The following SNX29 variants were observed in gnomAD, a reference collection of about 807,000 sequenced individuals.
SNX29 encodes the protein sorting nexin-29.
Under a neutral mutation model 102.1 loss-of-function variants are expected in SNX29, and 78 were observed. The observed-to-expected ratio is 0.76, with a 90% CI of 0.64 to 0.92. The LOEUF is 0.92. Ranked by LOEUF, SNX29 falls within the 40% of genes least tolerant of loss-of-function variation. The probability of loss-of-function intolerance (pLI) is 0.00; values close to 1 mark genes in which losing one functional copy is unlikely to be tolerated. For missense variants in SNX29, 1,280 were observed against 1,061.7 expected (o/e 1.21, Z -2.86); for synonymous variants, 580 against 414.5 (o/e 1.40, Z -4.85).
chr16:12,103,899 T>C (rs773191995), intron 11 of SNX29, among the ~76,000 whole-genome samples: 53 of 152,368 alleles, frequency 3.5e-4, no homozygotes, highest in Middle Eastern at 3.4e-3. Context: ...ATGATCATCC[T>C]TCTGTGATGT....
intron 15 of SNX29, among the ~76,000 whole-genome samples, chr16:12,346,457 G>C (rs746474147): frequency 9.2e-5 from 14 of 152,206 alleles, no homozygotes; most frequent in Non-Finnish European, 1.2e-4. Flanking sequence ...GAGGCCCAGA[G>C]AGGTGGAGGT....
intron 11 of SNX29, among the ~76,000 whole-genome samples, chr16:12,088,851 T>TGA (rs1348029320): frequency 6.6e-6 from 1 of 152,120 alleles, no homozygotes; most frequent in Non-Finnish European, 1.5e-5. Flanking sequence ...TTTGGGAGGC[T>TGA]GAGGCGGGCG....
intron 15 of SNX29, among the ~76,000 whole-genome samples, chr16:12,278,282 A>G (rs1403806757): frequency 1.3e-5 from 2 of 152,048 alleles, no homozygotes; most frequent in African/African-American, 4.8e-5. Context: ...GAGAAAACAT[A>G]TATGTGTAAC....
At chr16:12,375,110 G>A (rs183067230) in intron 16 of SNX29, 5 of 152,264 alleles carry the variant, frequency 3.3e-5, no homozygotes, top group Admixed American at 2.6e-4. Flanking sequence ...AGTGGGAGGC[G>A]AGTGTAGCAA....
At chr16:12,131,348 C>T (rs971650422) in intron 13 of SNX29, among the ~76,000 whole-genome samples, 1 of 152,230 alleles carries the variant, frequency 6.6e-6, no homozygotes, top group African/African-American at 2.4e-5. Flanking sequence ...CACCCCAGAT[C>T]CCAACTTACA....
intron 20 of SNX29, among the ~76,000 whole-genome samples, chr16:12,555,759 G>C (rs1299515442): frequency 6.6e-6 from 1 of 151,762 alleles, no homozygotes; most frequent in Non-Finnish European, 1.5e-5. Flanking sequence ...ACTCCAACTA[G>C]CCTTCAGGCT....
intron 20 of SNX29, among the ~76,000 whole-genome samples, chr16:12,537,223 G>A (rs1323133003): frequency 5.9e-5 from 9 of 152,312 alleles, no homozygotes; most frequent in East Asian, 1.9e-4. Context: ...AGACCAGACT[G>A]CAAGGTGCCA....
At chr16:12,418,745 C>T (rs2084751628) in intron 18 of SNX29, among the ~76,000 whole-genome samples, 1 of 152,160 alleles carries the variant, frequency 6.6e-6, no homozygotes, top group Non-Finnish European at 1.5e-5. Flanking sequence ...GACCTCCTAA[C>T]CTCAAGTGAT....
intron 9 of SNX29, among the ~76,000 whole-genome samples, chr16:12,068,559 T>A (rs1054954358): frequency 6.1e-5 from 9 of 148,074 alleles, no homozygotes; most frequent in East Asian, 6.0e-4. Flanking sequence ...TAAAAAAAAA[T>A]TTTTAATGGA....
At chr16:12,356,025 G>T in intron 15 of SNX29, 138 bp from the exon 16 acceptor site, 1 of 686,160 alleles carries the variant, frequency 1.5e-6, no homozygotes, top group South Asian at 1.7e-5. Context: ...TCACAGGTAA[G>T]CAGTGTCATT....
At chr16:12,351,189 A>T (rs77894389) in intron 15 of SNX29, among the ~76,000 whole-genome samples, 2 of 147,354 alleles carry the variant, frequency 1.4e-5, no homozygotes, top group Non-Finnish European at 3.1e-5. Context: ...CCTAATGCCT[A>T]TAAGAGGCCT....
chr16:12,036,927 C>A (rs1490590733), intron 4 of SNX29, among the ~76,000 whole-genome samples: 1 of 152,044 alleles, frequency 6.6e-6, no homozygotes, highest in African/African-American at 2.4e-5. Context: ...ATTAAGAAAT[C>A]ATCTTGGAGT....
intron 15 of SNX29, among the ~76,000 whole-genome samples, chr16:12,351,457 G>C (rs1187372930): frequency 6.6e-6 from 1 of 152,118 alleles, no homozygotes; most frequent in Admixed American, 6.5e-5. Flanking sequence ...AATTTTGGGG[G>C]GTGTCTTGAT....
At chr16:12,334,566 A>G (rs1267839467) in intron 15 of SNX29, among the ~76,000 whole-genome samples, 1 of 152,210 alleles carries the variant, frequency 6.6e-6, no homozygotes, top group Non-Finnish European at 1.5e-5. Flanking sequence ...TTTAAATCAA[A>G]GATAAGAATC....
intron 15 of SNX29, among the ~76,000 whole-genome samples, chr16:12,286,121 G>A (rs973234667): frequency 3.3e-5 from 5 of 152,024 alleles, no homozygotes; most frequent in Non-Finnish European, 7.4e-5. Context: ...GGGATTACAG[G>A]TGTGAGCCAC....
chr16:12,154,408 GT>G (rs959878602), intron 13 of SNX29, among the ~76,000 whole-genome samples: 7 of 151,960 alleles, frequency 4.6e-5, no homozygotes, highest in Admixed American at 6.6e-5. Context: ...GAAGCAGGCT[GT>G]TTTTTTTGGA....
intron 20 of SNX29, among the ~76,000 whole-genome samples, chr16:12,560,584 C>G (rs376541654): frequency 6.6e-6 from 1 of 152,204 alleles, no homozygotes; most frequent in Non-Finnish European, 1.5e-5. Context: ...GTCTGTCCAT[C>G]TGTACCTCTC....
intron 20 of SNX29, among the ~76,000 whole-genome samples, chr16:12,542,578 C>G (rs143275648): frequency 1.3e-5 from 2 of 152,126 alleles, no homozygotes; most frequent in Non-Finnish European, 2.9e-5. Flanking sequence ...GTGATCCACC[C>G]GCCTCAGCCT....
intron 15 of SNX29, among the ~76,000 whole-genome samples, chr16:12,322,034 G>A (rs576726354): frequency 2.0e-5 from 3 of 152,278 alleles, no homozygotes; most frequent in Non-Finnish European, 4.4e-5. Flanking sequence ...TCAGGCTGTC[G>A]TCGGGGTCCC....
Sources: gnomAD v4.1 joint callset for allele counts (sites outside exome capture counted in the v4.1 genomes callset) on GRCh38, gnomAD v4.1.1 for gene constraint, MANE v1.5 for transcripts, NCBI Gene and HGNC (gene_info 2026-07-23, HGNC 2026-07-21) for gene names.